The following NALF1 variants were observed in gnomAD, a reference collection of about 807,000 sequenced individuals.
NALF1 encodes the protein NALCN channel auxiliary factor 1, also known as family with sequence similarity 155 member A.
A neutral mutation model predicts 48.4 loss-of-function variants in NALF1; 3 were observed. The ratio of observed to expected loss-of-function variants is 0.06; its 90% CI spans 0.03 to 0.16. The LOEUF (loss-of-function observed/expected upper bound fraction) is 0.16, where lower values mean the gene tolerates loss of function less well. Ranked by LOEUF, NALF1 falls within the 10% of genes least tolerant of loss-of-function variation. NALF1 has a pLI of 1.00. For missense variants in NALF1, 526 were observed against 571.5 expected (o/e 0.92, Z 0.81); for synonymous variants, 262 against 245.7 (o/e 1.07, Z -0.62).
intron 1 of NALF1, among the ~76,000 whole-genome samples, chr13:107,841,197 T>C (rs141084148): frequency 1.0e-3 from 152 of 152,274 alleles, no homozygotes; most frequent in Middle Eastern, 3.4e-3. Context: ...ATATTTGAAA[T>C]AAAATTTTAA....
chr13:107,610,623 G>C (rs1379199575), intron 1 of NALF1, among the ~76,000 whole-genome samples: 7 of 152,138 alleles, frequency 4.6e-5, no homozygotes, highest in Non-Finnish European at 1.0e-4. Context: ...CTCAATCATG[G>C]TTTAAGAGAA....
chr13:107,269,861 C>A (rs535899357), intron 1 of NALF1, among the ~76,000 whole-genome samples: 1 of 150,686 alleles, frequency 6.6e-6, no homozygotes, highest in South Asian at 2.1e-4. Flanking sequence ...CATTCTCCTG[C>A]CTCAGCCTTG....
chr13:107,253,359 C>T (rs992325495), intron 1 of NALF1, among the ~76,000 whole-genome samples: 2 of 152,140 alleles, frequency 1.3e-5, no homozygotes, highest in African/African-American at 4.8e-5. Context: ...CTCAGAAACA[C>T]TCAGTGATTG....
intron 1 of NALF1, among the ~76,000 whole-genome samples, chr13:107,759,732 G>A (rs1238863097): frequency 4.6e-5 from 7 of 151,260 alleles, no homozygotes; most frequent in Admixed American, 2.6e-4. Flanking sequence ...TCTGTTTGGA[G>A]CCTCAATTAG....
chr13:107,850,810 A>G (rs1880291442), intron 1 of NALF1, among the ~76,000 whole-genome samples: 1 of 152,004 alleles, frequency 6.6e-6, no homozygotes, highest in South Asian at 2.1e-4. Context: ...GGCTGAGGCA[A>G]GAGAATCACT....
At chr13:107,518,538 TG>T (rs1337168727) in intron 1 of NALF1, among the ~76,000 whole-genome samples, 1 of 152,074 alleles carries the variant, frequency 6.6e-6, no homozygotes, top group Non-Finnish European at 1.5e-5. Flanking sequence ...TTATTGGTTG[TG>T]TTATGTGTCA....
intron 1 of NALF1, among the ~76,000 whole-genome samples, chr13:107,641,320 G>A (rs1045918188): frequency 2.6e-5 from 4 of 152,110 alleles, no homozygotes; most frequent in Admixed American, 1.3e-4. Context: ...GATACAAGGA[G>A]TAAGTTCTAG....
In NALF1 at chr13:107,593,376, G is replaced by A. The variant is rs1325457316; in HGVS notation, c.915+272306C>T. On this transcript the variant is annotated intron_variant, in intron 1 of 2. Transcript: ENST00000375915. Reference sequence around the variant, plus strand: ...TTTTTATGGCTACTTTTTAACCCTAGAATTTTATTATAATTCTTGAGAAAG... The same window carrying A: ...TTTTTATGGCTACTTTTTAACCCTAAAATTTTATTATAATTCTTGAGAAAG... Among the ~76,000 whole-genome samples the A allele has an allele frequency of 3.3e-5, 5 of 151,650 alleles. 1 individual carries two copies. The South Asian group carries it at 1.0e-3, about 32-fold the overall frequency.
chr13:107,837,342 A>G (rs1449882420), intron 1 of NALF1, among the ~76,000 whole-genome samples: 1 of 152,228 alleles, frequency 6.6e-6, no homozygotes, highest in Non-Finnish European at 1.5e-5. Flanking sequence ...AGATGTTATT[A>G]TGCTTGGGCA....
chr13:107,849,071 T>C (rs1880246072), intron 1 of NALF1, among the ~76,000 whole-genome samples: 1 of 152,186 alleles, frequency 6.6e-6, no homozygotes, highest in Non-Finnish European at 1.5e-5. Flanking sequence ...CGTTCTAGAA[T>C]TTTGGTGGCT....
intron 1 of NALF1, among the ~76,000 whole-genome samples, chr13:107,414,860 G>A (rs1594050595): frequency 1.3e-5 from 2 of 151,876 alleles, no homozygotes; most frequent in South Asian, 4.1e-4. Flanking sequence ...TTAGAAGTGG[G>A]AGTCATAAAT....
chr13:107,738,742 C>A (rs1286650725), intron 1 of NALF1, among the ~76,000 whole-genome samples: 1 of 151,572 alleles, frequency 6.6e-6, no homozygotes, highest in East Asian at 2.0e-4. Context: ...TCTCGGCTCA[C>A]TGCAACCTCT....
At chr13:107,697,516 G>GT (rs1881725410) in intron 1 of NALF1, among the ~76,000 whole-genome samples, 2 of 152,010 alleles carry the variant, frequency 1.3e-5, no homozygotes, top group South Asian at 4.1e-4. Context: ...CCTATAATTA[G>GT]TTTCCTACAT....
intron 1 of NALF1, among the ~76,000 whole-genome samples, chr13:107,613,359 T>C (rs1431624198): frequency 6.6e-6 from 1 of 152,192 alleles, no homozygotes; most frequent in African/African-American, 2.4e-5. Flanking sequence ...GCAATAACCC[T>C]GACTGGGTAA....
At chr13:107,294,482 G>A (rs1036734652) in intron 1 of NALF1, among the ~76,000 whole-genome samples, 1 of 152,176 alleles carries the variant, frequency 6.6e-6, no homozygotes, top group African/African-American at 2.4e-5. Flanking sequence ...TAACAACACT[G>A]CTACAAACAA....
chr13:107,276,202 C>T (rs983694203), intron 1 of NALF1, among the ~76,000 whole-genome samples: 1 of 152,134 alleles, frequency 6.6e-6, no homozygotes, highest in African/African-American at 2.4e-5. Flanking sequence ...AGATCAATAC[C>T]ACAAGGCAGG....
At chr13:107,669,513 A>C (rs1253790399) in intron 1 of NALF1, among the ~76,000 whole-genome samples, 2 of 152,174 alleles carry the variant, frequency 1.3e-5, no homozygotes, top group Non-Finnish European at 2.9e-5. Context: ...CCTGCTAAAA[A>C]TATTGGATTC....
intron 1 of NALF1, among the ~76,000 whole-genome samples, chr13:107,494,621 T>C (rs1875264206): frequency 6.6e-6 from 1 of 152,168 alleles, no homozygotes; most frequent in Non-Finnish European, 1.5e-5. Flanking sequence ...GAACCATGAG[T>C]CTTGCAGTCT....
chr13:107,437,139 T>C (rs968268377), intron 1 of NALF1, among the ~76,000 whole-genome samples: 5 of 152,124 alleles, frequency 3.3e-5, no homozygotes, highest in African/African-American at 1.2e-4. Flanking sequence ...GAAAAAATGT[T>C]CAGCATCGTT....
Sources: allele counts gnomAD v4.1 joint callset (sites outside exome capture counted in the v4.1 genomes callset), GRCh38; gene constraint gnomAD v4.1.1; transcripts MANE v1.5; gene names NCBI Gene and HGNC (gene_info 2026-07-23, HGNC 2026-07-21).